SAMD12: variants seen among roughly 807,000 people sequenced by gnomAD.
SAMD12 encodes sterile alpha motif domain-containing protein 12.
SAMD12 carries 9 observed loss-of-function variants against 15.0 expected under a neutral mutation model. The observed-to-expected ratio is 0.60, with a 90% CI of 0.36 to 1.05. SAMD12 has a LOEUF of 1.05. SAMD12 is among the 50% of genes least tolerant of loss of function. The pLI is 0.01. For synonymous variants in SAMD12, 86 were observed against 90.1 expected (o/e 0.96, Z 0.25); for missense variants, 230 against 234.2 (o/e 0.98, Z 0.12).
At chr8:118,608,636 T>G (rs1374708373) in intron 1 of SAMD12, among the ~76,000 whole-genome samples, 1 of 152,126 alleles carries the variant, frequency 6.6e-6, no homozygotes, top group Non-Finnish European at 1.5e-5. Context: ...CCCAAGTAGC[T>G]GGGACTACAG....
intron 2 of SAMD12, among the ~76,000 whole-genome samples, chr8:118,498,418 C>A (rs1280028610): frequency 1.3e-5 from 2 of 152,190 alleles, no homozygotes; most frequent in Non-Finnish European, 2.9e-5. Flanking sequence ...CATGTTATGC[C>A]TGTAGCATTT....
chr8:118,450,424 C>T (rs1267243697), intron 2 of SAMD12, among the ~76,000 whole-genome samples: 2 of 152,128 alleles, frequency 1.3e-5, no homozygotes, highest in Non-Finnish European at 2.9e-5. Flanking sequence ...GCAGGAAAAC[C>T]TATCGCTCAT....
At chr8:118,318,687 A>G (rs1462984967) in intron 4 of SAMD12, among the ~76,000 whole-genome samples, 1 of 152,022 alleles carries the variant, frequency 6.6e-6, no homozygotes, top group African/African-American at 2.4e-5. Context: ...GTAACCAAAA[A>G]CCACTTGTAT....
At chr8:118,176,039 C>T in the SAMD12 span, among the ~76,000 whole-genome samples, 3 of 152,212 alleles carry the variant, frequency 2.0e-5, no homozygotes, top group Admixed American at 6.5e-5. Flanking sequence ...TGGTGGCTCA[C>T]GCCTGCAATC....
At chr8:118,369,392 T>C (rs909124166) in intron 4 of SAMD12, among the ~76,000 whole-genome samples, 7 of 152,090 alleles carry the variant, frequency 4.6e-5, no homozygotes, top group East Asian at 3.9e-4. Context: ...CCTTACACTT[T>C]ATACAAAAAT....
At chr8:118,358,751 A>G (rs1399756681) in intron 4 of SAMD12, among the ~76,000 whole-genome samples, 1 of 152,210 alleles carries the variant, frequency 6.6e-6, no homozygotes, top group Non-Finnish European at 1.5e-5. Context: ...CAGAATAAAT[A>G]TAACCTAGGA....
intron 3 of SAMD12, among the ~76,000 whole-genome samples, chr8:118,409,923 A>C (rs907647606): frequency 6.6e-6 from 1 of 151,948 alleles, no homozygotes; most frequent in African/African-American, 2.4e-5. Context: ...ATTATCAAGA[A>C]AGACTAATTT....
At chr8:118,366,370 C>A (rs775018295) in intron 4 of SAMD12, among the ~76,000 whole-genome samples, 1 of 152,158 alleles carries the variant, frequency 6.6e-6, no homozygotes, top group African/African-American at 2.4e-5. Flanking sequence ...ACATATAGGT[C>A]TCCTTAACAT....
At position 118,250,947 on chromosome 8, in the gene SAMD12, C is replaced by T. The variant is rs60038173; in HGVS notation, c.434-53215G>A. On this transcript the variant is annotated intron_variant, in intron 4 of 4. Transcript: ENST00000409003. ...CATATTTACTAAATAGTTACCTTGT[C>T]CTATAGTGTTCTAAGTCCTTCACAC... Among the ~76,000 whole-genome samples the T allele has an allele frequency of 7.9e-3, 1,207 of 152,148 alleles. 13 individuals carry two copies. Among genetic ancestry groups the T allele is most frequent in the African/African-American group, 0.028 (1,159 of 41,486 alleles).
chr8:118,197,751 G>T lies in SAMD12; in HGVS notation c.434-19C>A, dbSNP rs565645310. 2.5e-6 allele frequency: 4 copies of T among 1,611,064 alleles called. No homozygotes were observed. The Admixed American group carries it at 5.0e-5, about 20-fold the overall frequency. The stretch of plus-strand genomic sequence containing the variant: ...GATGATGCTGCAAGAAGAAAAAGGG[G>T]GAAATATGGTAAGTTCTTTCCTTTA... On this transcript the variant is annotated intron_variant, in intron 4 of 4. Coordinates refer to the SAMD12 transcript ENST00000409003.
chr8:118,306,166 T>G (rs928485380), intron 4 of SAMD12, among the ~76,000 whole-genome samples: 1 of 152,206 alleles, frequency 6.6e-6, no homozygotes, highest in African/African-American at 2.4e-5. Flanking sequence ...CCTTCCATTA[T>G]GTTCCTTCTT....
In SAMD12 at chr8:118,366,883, AT is replaced by A. The variant is rs1563800098; in HGVS notation, c.433+12676del. ...AAATAAAATAAAATAAAATAAAATA[AT>A]AAAATAAAATAAAATAAAATAAAAT... is the stretch of plus-strand genomic sequence containing the variant. On this transcript the variant is annotated intron_variant, in intron 4 of 4. Transcript: ENST00000409003. 4.5e-5 allele frequency among the ~76,000 whole-genome samples: 3 copies of A among 66,410 alleles called. 1 individual carries two copies. The highest frequency in any genetic ancestry group is 4.3e-4 in the South Asian group (1 of 2,316). 43.6% of individuals were successfully genotyped at this position (66,410 alleles called of 152,430 possible). A position where few individuals can be genotyped will look rare whatever the true frequency, so the allele number is the denominator to read the frequency against.
Position 118,620,399 on chromosome 8 carries a change from CAAAAAAAAAAAAA to C in SAMD12, c.13+1392_13+1404del, listed in dbSNP as rs68126546. Among the ~76,000 whole-genome samples the C allele has an allele frequency of 6.0e-5, 4 of 66,396 alleles. No individual in the cohort carries two copies. The South Asian group carries it at 2.7e-3, about 44-fold the overall frequency. 43.6% of individuals were successfully genotyped at this position (66,396 alleles called of 152,430 possible). A position where few individuals can be genotyped will look rare whatever the true frequency, so the allele number is the denominator to read the frequency against. ...GTCTTGACTATCAAGCATAACGATG[CAAAAAAAAAAAAA>C]AAAAAAAAAAAAAGATTCTCACCCT... is the stretch of plus-strand genomic sequence containing the variant. On this transcript the variant is annotated intron_variant, in intron 1 of 3. Transcript: ENST00000314727.
chr8:118,176,325 A>G, the SAMD12 span, among the ~76,000 whole-genome samples: 1 of 152,154 alleles, frequency 6.6e-6, no homozygotes, highest in African/African-American at 2.4e-5. Flanking sequence ...GAATATGAAA[A>G]AGAATATAAA....
chr8:118,382,016 G>A (rs1031934872), intron 3 of SAMD12, among the ~76,000 whole-genome samples: 3 of 152,180 alleles, frequency 2.0e-5, no homozygotes, highest in Non-Finnish European at 4.4e-5. Context: ...GCAGTCCAAT[G>A]CTCTGCTCAC....
chr8:118,464,098 T>C (rs536210635), intron 2 of SAMD12, among the ~76,000 whole-genome samples: 2 of 152,304 alleles, frequency 1.3e-5, no homozygotes, highest in African/African-American at 4.8e-5. Flanking sequence ...TTTCAGCTGA[T>C]CCTTCAATTA....
chr8:118,330,760 A>G (rs1212753330), intron 4 of SAMD12, among the ~76,000 whole-genome samples: 1 of 152,190 alleles, frequency 6.6e-6, no homozygotes, highest in Non-Finnish European at 1.5e-5. Context: ...TCATCCCTTA[A>G]TGAAACAGAT....
chr8:118,447,253 C>A (rs1021221638), intron 2 of SAMD12, among the ~76,000 whole-genome samples: 2 of 152,042 alleles, frequency 1.3e-5, no homozygotes, highest in East Asian at 3.9e-4. Flanking sequence ...TGTACTAATA[C>A]AACAAACAGG....
chr8:118,351,753 G>C (rs746428730), intron 4 of SAMD12, among the ~76,000 whole-genome samples: 1 of 152,160 alleles, frequency 6.6e-6, no homozygotes, highest in Non-Finnish European at 1.5e-5. Context: ...AGAGTAGGAA[G>C]TCACCTTCTG....
Sources: gnomAD v4.1 joint callset for allele counts (sites outside exome capture counted in the v4.1 genomes callset) on GRCh38, gnomAD v4.1.1 for gene constraint, MANE v1.5 for transcripts, NCBI Gene and HGNC (gene_info 2026-07-23, HGNC 2026-07-21) for gene names.